Variants in ANK3 observed in about 807,000 individuals in gnomAD.
The protein encoded by ANK3 is ankyrin-3.
In ANK3, 57 loss-of-function variants were observed where a neutral mutation model predicts 370.9. That is an observed-to-expected ratio of 0.15 (90% CI 0.12 to 0.19). The LOEUF is 0.19. Ranked by LOEUF, ANK3 falls within the 10% of genes least tolerant of loss-of-function variation. The probability of loss-of-function intolerance (pLI) is 1.00; values close to 1 mark genes in which losing one functional copy is unlikely to be tolerated. For missense variants in ANK3, 4,439 were observed against 5,302.1 expected (o/e 0.84, Z 5.06); for synonymous variants, 1,929 against 1,946.3 (o/e 0.99, Z 0.23).
At chr10:60,732,894 C>A (rs1357002676) in intron 1 of ANK3, among the ~76,000 whole-genome samples, 3 of 151,874 alleles carry the variant, frequency 2.0e-5, no homozygotes, top group African/African-American at 4.8e-5. Context: ...AGCAGAGAAG[C>A]CCCAAGACGA....
intron 1 of ANK3, among the ~76,000 whole-genome samples, chr10:60,660,721 G>A (rs2078924807): frequency 6.6e-6 from 1 of 152,112 alleles, no homozygotes; most frequent in South Asian, 2.1e-4. Flanking sequence ...TGGCATTTAA[G>A]TTGGTCCCTA....
chr10:60,357,548 C>T (rs921027576), intron 1 of ANK3, among the ~76,000 whole-genome samples: 4 of 53,228 alleles, frequency 7.5e-5, no homozygotes, highest in African/African-American at 1.5e-4. Context: ...ATAAGGAAAT[C>T]GAGTTGCACA....
Position 60,088,353 on chromosome 10 carries a change from C to A in ANK3, c.3334G>T (p.Asp1112Tyr). 6.2e-7 allele frequency: 1 copy of A among 1,613,860 alleles called. No homozygotes were observed. Among genetic ancestry groups the A allele is most frequent in the Non-Finnish European group, 8.5e-7 (1 of 1,179,834 alleles). Residue 1112 changes from aspartate to tyrosine, a missense_variant, in exon 29 of 44, where the codon GAT becomes TAT. Transcript: ENST00000280772. ...ELLNGMDEEL[D>Y]SPEELGKKRI... Reference sequence around the variant, plus strand: ...TTTTTCCCTAACTCTTCTGGGCTATCAAGTTCTGAAAAGACAAATGAAAGA... The same window carrying A: ...TTTTTCCCTAACTCTTCTGGGCTATAAAGTTCTGAAAAGACAAATGAAAGA...
intron 28 of ANK3, among the ~76,000 whole-genome samples, chr10:60,089,488 T>C (rs984968353): frequency 2.0e-5 from 3 of 151,614 alleles, no homozygotes; most frequent in African/African-American, 7.3e-5. Context: ...TGTGTGTGTG[T>C]GTGTGTGTGT....
chr10:60,459,753 C>T (rs1202857158), intron 2 of ANK3, among the ~76,000 whole-genome samples: 4 of 152,126 alleles, frequency 2.6e-5, no homozygotes, highest in African/African-American at 9.7e-5. Flanking sequence ...AGATCACTAG[C>T]CCTGAGTTCC....
At chr10:60,378,978 T>C (rs1478963174) in intron 1 of ANK3, among the ~76,000 whole-genome samples, 4 of 151,972 alleles carry the variant, frequency 2.6e-5, no homozygotes, top group African/African-American at 9.7e-5. Context: ...GGGATTACTA[T>C]CCAGCATATA....
chr10:60,470,708 A>G (rs2065196577), intron 2 of ANK3, among the ~76,000 whole-genome samples: 1 of 152,134 alleles, frequency 6.6e-6, no homozygotes, highest in Non-Finnish European at 1.5e-5. Context: ...AAAGAGGACA[A>G]CAAAGAACCA....
At chr10:60,153,324 GGCTCCT>G (rs2095219523) in intron 23 of ANK3, among the ~76,000 whole-genome samples, 1 of 152,186 alleles carries the variant, frequency 6.6e-6, no homozygotes, top group African/African-American at 2.4e-5. Flanking sequence ...TCTGTAAGGA[GGCTCCT>G]GCAGTATTCC....
At chr10:60,079,682 G>A (rs2084725075) in intron 36 of ANK3, among the ~76,000 whole-genome samples, 1 of 152,152 alleles carries the variant, frequency 6.6e-6, no homozygotes, top group Non-Finnish European at 1.5e-5. Context: ...AATGGTTAAA[G>A]TGGCACCAAT....
At chr10:60,248,613 C>T (rs1052905105) in intron 7 of ANK3, among the ~76,000 whole-genome samples, 1 of 152,066 alleles carries the variant, frequency 6.6e-6, no homozygotes, top group African/African-American at 2.4e-5. Context: ...AGAAAATTAC[C>T]AGTTATGGGA....
chr10:60,049,078 C>A (rs1028988825), intron 42 of ANK3, among the ~76,000 whole-genome samples: 3 of 152,156 alleles, frequency 2.0e-5, no homozygotes, highest in Admixed American at 6.5e-5. Context: ...CCCCAAAAAT[C>A]TGAACAGAAA....
rs2096757974 is a variant in ANK3 at position 60,206,098 on chromosome 10, G to T, written c.1195-208C>A. 3.9e-5 allele frequency among the ~76,000 whole-genome samples: 6 copies of T among 152,250 alleles called. No individual in the cohort carries two copies. The South Asian group carries it at 1.2e-3, about 32-fold the overall frequency. ...ACCCTGATAATTGTGAACAGGAAGTGAATTTTTATTACACTCTCCTGGTTA... is the reference window on the plus strand; with the variant it reads ...ACCCTGATAATTGTGAACAGGAAGTTAATTTTTATTACACTCTCCTGGTTA... On this transcript the variant is annotated intron_variant, in intron 10 of 43. Transcript: ENST00000280772.
chr10:60,644,708 T>A (rs1046612496), intron 1 of ANK3, among the ~76,000 whole-genome samples: 14 of 152,028 alleles, frequency 9.2e-5, no homozygotes, highest in Non-Finnish European at 2.9e-5. Flanking sequence ...CTAGATTAGA[T>A]AATGGAAGAG....
chr10:60,642,830 A>G (rs1378064422), intron 1 of ANK3, among the ~76,000 whole-genome samples: 1 of 152,176 alleles, frequency 6.6e-6, no homozygotes, highest in Non-Finnish European at 1.5e-5. Flanking sequence ...TAATTTAATG[A>G]GAAGATTTAA....
chr10:60,211,351 C>A (rs2096851560), intron 9 of ANK3, among the ~76,000 whole-genome samples: 1 of 151,954 alleles, frequency 6.6e-6, no homozygotes, highest in African/African-American at 2.4e-5. Context: ...AATAGGTGAT[C>A]ACAGAAAAAG....
chr10:60,387,760 T>C (rs975838515), intron 1 of ANK3, among the ~76,000 whole-genome samples: 12 of 152,182 alleles, frequency 7.9e-5, no homozygotes, highest in Admixed American at 6.5e-4. Context: ...CTACAGCTCA[T>C]TGAGTCCAGA....
chr10:60,085,125 T>C lies in ANK3; in HGVS notation c.3845+32A>G, dbSNP rs760354476. 18 of 1,557,716 alleles carry C rather than the reference T, an allele frequency of 1.2e-5. No individual in the cohort carries two copies. The African/African-American group carries it at 2.3e-4, about 20-fold the overall frequency. ...CCAAAAGGTAATAAAAACTAATTCC[T>C]TACTGCTTTTTGGAATCCTTTATTT... On this transcript the variant is annotated intron_variant, in intron 31 of 43. Transcript: ENST00000280772.
chr10:60,074,295 G>A lies in ANK3; in HGVS notation c.6586C>T (p.Pro2196Ser), dbSNP rs771095356. ...TQPEEPVSPK[P>S]SPTFMELEPK... Reference sequence around the variant, plus strand: ...TCCAATTCCATAAAAGTAGGTGAAGGTTTAGGTGACACAGGCTCCTCTGGT... The same window carrying A: ...TCCAATTCCATAAAAGTAGGTGAAGATTTAGGTGACACAGGCTCCTCTGGT... The change falls in exon 37 of 44, where the codon CCT (proline) becomes TCT (serine). Residue 2196 changes from proline (P) to serine (S), a missense_variant. By Grantham distance (74) the Pro-to-Ser change is moderately conservative. This residue lies in a region of ANK3 where 1,601 missense variants were observed against 1,731.7 expected (regional missense o/e 0.92). Coordinates refer to ENST00000280772, the MANE Select transcript of ANK3 (RefSeq NM_020987.5). The A allele has an allele frequency of 6.2e-7, 1 of 1,613,972 alleles. No individual in the cohort carries two copies. The highest frequency in any genetic ancestry group is 8.5e-7 in the Non-Finnish European group (1 of 1,180,014).
intron 23 of ANK3, among the ~76,000 whole-genome samples, chr10:60,152,759 G>A (rs966525136): frequency 6.6e-6 from 1 of 151,914 alleles, no homozygotes; most frequent in African/African-American, 2.4e-5. Context: ...ACACCATCCA[G>A]GTGAAGAAAT....
Sources: gnomAD v4.1 joint callset for allele counts (sites outside exome capture counted in the v4.1 genomes callset) on GRCh38, gnomAD v4.1.1 for gene constraint, gnomAD v4.1.1 regional missense constraint, MANE v1.5 for transcripts, NCBI Gene and HGNC (gene_info 2026-07-23, HGNC 2026-07-21) for gene names.